Variants in OR10A2 observed in about 807,000 individuals in gnomAD.
OR10A2 encodes olfactory receptor 10A2.
OR10A2 carries 15 observed loss-of-function variants against 13.7 expected under a neutral mutation model. The ratio of observed to expected loss-of-function variants is 1.10; its 90% CI spans 0.73 to 1.69. The LOEUF is 1.69. Ranked by LOEUF, OR10A2 falls within the 40% of genes most tolerant of loss-of-function variation. The probability of loss-of-function intolerance (pLI) is 0.00; values close to 1 mark genes in which losing one functional copy is unlikely to be tolerated. For synonymous variants in OR10A2, 145 were observed against 144.7 expected (o/e 1.00, Z -0.02); for missense variants, 343 against 361.1 (o/e 0.95, Z 0.41).
intron 1 of OR10A2, among the ~76,000 whole-genome samples, chr11:6,868,336 G>C (rs1848396294): frequency 6.6e-6 from 1 of 151,958 alleles, no homozygotes; most frequent in South Asian, 2.1e-4. Context: ...TAAGTTGTCT[G>C]CTGCTTGAAA....
intron 1 of OR10A2, among the ~76,000 whole-genome samples, chr11:6,864,147 C>T (rs1034993672): frequency 6.6e-6 from 1 of 152,206 alleles, no homozygotes; most frequent in Non-Finnish European, 1.5e-5. Context: ...GCCTCTCCCA[C>T]ACTGGAGACG....
chr11:6,870,753 A>C lies in OR10A2; in HGVS notation c.*87A>C. On this transcript the variant is annotated 3_prime_UTR_variant, in exon 2 of 2. Coordinates refer to ENST00000641461, the MANE Select transcript of OR10A2 (RefSeq NM_001004460.2). ...CCTCTCTGCATCTTTCCACATCTCCAATAAGATGAAGTCCTGTTGCTGAAA... is the reference window on the plus strand; with the variant it reads ...CCTCTCTGCATCTTTCCACATCTCCCATAAGATGAAGTCCTGTTGCTGAAA... The C allele has an allele frequency of 9.1e-7, 1 of 1,101,648 alleles. No individual in the cohort carries two copies. The highest frequency in any genetic ancestry group is 1.3e-6 in the Non-Finnish European group (1 of 765,118). The allele number at this position is 1,101,648 out of a possible 1,614,324, so 68.2% of individuals were successfully genotyped here.
intron 1 of OR10A2, among the ~76,000 whole-genome samples, chr11:6,868,030 A>G (rs113221325): frequency 0.33 from 49,449 of 152,102 alleles, 8,568 homozygotes; most frequent in South Asian, 0.41. Flanking sequence ...GATTACAGGC[A>G]TCAGCCACCA....
Position 6,870,817 on chromosome 11 carries a change from A to T in OR10A2, c.*151A>T, listed in dbSNP as rs750567304. On this transcript the variant is annotated 3_prime_UTR_variant, in exon 2 of 2. Coordinates refer to ENST00000641461, the MANE Select transcript of OR10A2 (RefSeq NM_001004460.2). ...GCTGAGTGGAGAGAAAGGAGCAGAG[A>T]AGTAGTTTCGACCTAGCACCACCAA... is the stretch of plus-strand genomic sequence containing the variant. 35 of 623,608 alleles carry T rather than the reference A, an allele frequency of 5.6e-5. No homozygotes were observed. Among genetic ancestry groups the T allele is most frequent in the Admixed American group, 2.8e-4 (9 of 32,706 alleles). 38.6% of individuals were successfully genotyped at this position (623,608 alleles called of 1,614,324 possible).
rs1848422381 is a variant in OR10A2 at position 6,870,543 on chromosome 11, G to A, written c.789G>A (p.Leu263=). 2 of 1,614,060 alleles carry A rather than the reference G, an allele frequency of 1.2e-6. No individual in the cohort carries two copies. Among genetic ancestry groups the A allele is most frequent in the African/African-American group, 1.3e-5 (1 of 75,022 alleles). The change falls in exon 2 of 2, where the codon TTG becomes TTA. Residue 263 remains leucine (L), a synonymous_variant. Transcript: ENST00000641461. The stretch of plus-strand genomic sequence containing the variant: ...CTGAGGGCAAGAAGCTGCTATCATT[G>A]TCCTACACTGTTATGACTCCCATGT... ...NSPEGKKLLS[L]SYTVMTPMLN... is the part of the protein sequence containing the mutation.
In OR10A2 at chr11:6,870,936, G is replaced by T; in HGVS notation, c.*270G>T. 1 of 258,448 alleles carries T rather than the reference G, an allele frequency of 3.9e-6. No homozygotes were observed. The highest frequency in any genetic ancestry group is 7.1e-6 in the Non-Finnish European group (1 of 141,562). The allele number at this position is 258,448 out of a possible 1,614,324, so 16.0% of individuals were successfully genotyped here. On this transcript the variant is annotated 3_prime_UTR_variant, in exon 2 of 2. Transcript: ENST00000641461. ...CACTTCTGTGGCCAACTATTTCCAGGTGTTATATTTCTTTTTTTTTTTTTT... is the reference window on the plus strand; with the variant it reads ...CACTTCTGTGGCCAACTATTTCCAGTTGTTATATTTCTTTTTTTTTTTTTT...
intron 1 of OR10A2, among the ~76,000 whole-genome samples, chr11:6,865,787 T>C (rs1848374873): frequency 6.6e-6 from 1 of 152,234 alleles, no homozygotes; most frequent in South Asian, 2.1e-4. Context: ...GGAGACATAA[T>C]CATTTCTGTC....
At chr11:6,866,250 T>G (rs1322011193) in intron 1 of OR10A2, among the ~76,000 whole-genome samples, 1 of 152,194 alleles carries the variant, frequency 6.6e-6, no homozygotes, top group African/African-American at 2.4e-5. Flanking sequence ...AAAGGTACAA[T>G]TACTGGTTGT....
At chr11:6,869,012 T>A (rs534880970) in intron 1 of OR10A2, among the ~76,000 whole-genome samples, 1 of 152,358 alleles carries the variant, frequency 6.6e-6, no homozygotes, top group African/African-American at 2.4e-5. Flanking sequence ...AGATAAGGCA[T>A]GACAGTCCAA....
rs1412049052 is a variant in OR10A2, at chr11:6,869,789, C to T, written c.35C>T (p.Ser12Leu). The T allele has an allele frequency of 6.2e-7, 1 of 1,614,108 alleles. No individual in the cohort carries two copies. Among genetic ancestry groups the T allele is most frequent in the Admixed American group, 1.7e-5 (1 of 60,024 alleles). Residue 12 changes from serine (S) to leucine (L), a missense_variant, in exon 2 of 2, where the codon TCA becomes TTA. Coordinates refer to ENST00000641461, the MANE Select transcript of OR10A2 (RefSeq NM_001004460.2). Reference sequence around the variant, plus strand: ...TCTTCCCTGCCTACTGAAATACAGTCATTACTCTTTCTGACATTTCTAACC... The same window carrying T: ...TCTTCCCTGCCTACTGAAATACAGTTATTACTCTTTCTGACATTTCTAACC... ...SFSSLPTEIQ[S>L]LLFLTFLTIY...
At chr11:6,868,799 G>A (rs1311692849) in intron 1 of OR10A2, among the ~76,000 whole-genome samples, 5 of 151,708 alleles carry the variant, frequency 3.3e-5, no homozygotes, top group Admixed American at 3.3e-4. Context: ...TCTAGATTAC[G>A]AATACAATAA....
chr11:6,871,385 A>T lies in OR10A2; in HGVS notation c.*719A>T, dbSNP rs1848433789. The T allele has an allele frequency of 7.0e-6, 1 of 142,364 alleles. No individual in the cohort carries two copies. The highest frequency in any genetic ancestry group is 7.1e-5 in the Admixed American group (1 of 14,164). The allele number at this position is 142,364 out of a possible 1,614,324, so 8.8% of individuals were successfully genotyped here. On this transcript the variant is annotated 3_prime_UTR_variant, in exon 2 of 2. Coordinates refer to ENST00000641461, the MANE Select transcript of OR10A2 (RefSeq NM_001004460.2). Reference sequence around the variant, plus strand: ...ACTTTTCCTCTTCTGGGCAGATCTGACTCTACATTCATGACAGAAAATCTC... The same window carrying T: ...ACTTTTCCTCTTCTGGGCAGATCTGTCTCTACATTCATGACAGAAAATCTC...
intron 1 of OR10A2, among the ~76,000 whole-genome samples, chr11:6,867,321 C>T (rs761533236): frequency 1.3e-4 from 20 of 152,116 alleles, no homozygotes; most frequent in Non-Finnish European, 2.5e-4. Context: ...ATGCAATTCT[C>T]GTGCCTCAGC....
chr11:6,867,765 G>C (rs1422577752), intron 1 of OR10A2, among the ~76,000 whole-genome samples: 1 of 148,192 alleles, frequency 6.7e-6, no homozygotes. Context: ...TTTCTTTTTT[G>C]TTGAGACTGA....
rs914998413 is a variant in OR10A2 at position 6,873,104 on chromosome 11, C to A, written c.*2438C>A. 1.3e-5 allele frequency: 2 copies of A among 152,182 alleles called. No homozygotes were observed. Among genetic ancestry groups the A allele is most frequent in the Non-Finnish European group, 2.9e-5 (2 of 68,054 alleles). 9.4% of individuals were successfully genotyped at this position (152,182 alleles called of 1,614,324 possible). On this transcript the variant is annotated 3_prime_UTR_variant, in exon 2 of 2. Transcript: ENST00000641461. ...GGGATTACAGACGTGGGCCACCATG[C>A]CAGGCCAAGTATTTCCCTTTTAATA... is the stretch of plus-strand genomic sequence containing the variant.
chr11:6,865,067 A>G (rs992014098), intron 1 of OR10A2, among the ~76,000 whole-genome samples: 1 of 145,236 alleles, frequency 6.9e-6, no homozygotes, highest in Non-Finnish European at 1.5e-5. Flanking sequence ...AAATGAATAT[A>G]TATTTCTATA....
chr11:6,874,594 C>T lies in OR10A2; in HGVS notation c.*3928C>T, dbSNP rs1185748599. 1 of 152,142 alleles carries T rather than the reference C, an allele frequency of 6.6e-6. No individual in the cohort carries two copies. The highest frequency in any genetic ancestry group is 1.5e-5 in the Non-Finnish European group (1 of 68,032). The allele number at this position is 152,142 out of a possible 1,614,324, so 9.4% of individuals were successfully genotyped here. A position where few individuals can be genotyped will look rare whatever the true frequency, so the allele number is the denominator to read the frequency against. Reference sequence around the variant, plus strand: ...AAATCCCTGACTTGGACTCAGCCACCCAGGATTCCAACACTTGCTGAAAAA... The same window carrying T: ...AAATCCCTGACTTGGACTCAGCCACTCAGGATTCCAACACTTGCTGAAAAA... On this transcript the variant is annotated 3_prime_UTR_variant, in exon 2 of 2. Coordinates refer to ENST00000641461, the MANE Select transcript of OR10A2 (RefSeq NM_001004460.2).
At chr11:6,864,157 G>T (rs776800299) in intron 1 of OR10A2, among the ~76,000 whole-genome samples, 1 of 152,094 alleles carries the variant, frequency 6.6e-6, no homozygotes, top group Non-Finnish European at 1.5e-5. Flanking sequence ...CACTGGAGAC[G>T]GGGCACTAGC....
chr11:6,867,210 A>T (rs893334380), intron 1 of OR10A2, among the ~76,000 whole-genome samples: 1 of 150,466 alleles, frequency 6.6e-6, no homozygotes, highest in African/African-American at 2.4e-5. Flanking sequence ...TCAATATTCT[A>T]TATTATTATT....
Sources: gnomAD v4.1 joint callset for allele counts (sites outside exome capture counted in the v4.1 genomes callset) on GRCh38, gnomAD v4.1.1 for gene constraint, MANE v1.5 for transcripts, NCBI Gene and HGNC (gene_info 2026-07-23, HGNC 2026-07-21) for gene names.